SLIT3: variants seen among roughly 807,000 people sequenced by gnomAD.
The protein encoded by SLIT3 is slit homolog 3 protein.
Under a neutral mutation model 184.0 loss-of-function variants are expected in SLIT3, and 68 were observed. That is an observed-to-expected ratio of 0.37 (90% CI 0.30 to 0.45). The LOEUF is 0.45. Among genes scored for constraint, SLIT3 ranks in the 20% least tolerant of loss-of-function variants. The pLI is 1.00. For synonymous variants in SLIT3, 831 were observed against 828.6 expected, an observed-to-expected ratio of 1.00 and a Z score of -0.05; for missense variants, 1,707 against 2,026.0, an observed-to-expected ratio of 0.84 and a Z score of 3.02.
intron 8 of SLIT3, 137 bp from the exon 9 acceptor site, chr5:168,806,724 T>G (rs1276544653): frequency 2.1e-6 from 2 of 959,194 alleles, no homozygotes; most frequent in Non-Finnish European, 3.1e-6. Flanking sequence ...GACATCTCCC[T>G]TCACCTGGGA....
chr5:169,054,715 C>T (rs906390004), intron 4 of SLIT3, among the ~76,000 whole-genome samples: 3 of 152,220 alleles, frequency 2.0e-5, no homozygotes, highest in Admixed American at 6.5e-5. Flanking sequence ...CCCAGGCATG[C>T]GGAACGACGT....
chr5:169,027,126 T>C (rs1756860715), intron 4 of SLIT3, among the ~76,000 whole-genome samples: 1 of 152,180 alleles, frequency 6.6e-6, no homozygotes, highest in Admixed American at 6.5e-5. Context: ...ATAATATTGC[T>C]CAAGTTGCTC....
intron 1 of SLIT3, among the ~76,000 whole-genome samples, chr5:169,288,973 A>T (rs376330177): frequency 6.6e-6 from 1 of 152,332 alleles, no homozygotes; most frequent in Admixed American, 6.5e-5. Context: ...TAGTGGTTCA[A>T]TTCAGATATT....
intron 8 of SLIT3, among the ~76,000 whole-genome samples, chr5:168,807,976 G>A (rs548303231): frequency 3.3e-5 from 5 of 152,194 alleles, no homozygotes; most frequent in South Asian, 2.1e-4. Context: ...AATTTGGAAC[G>A]TTTACCTCCC....
In SLIT3 at chr5:169,261,201, C is replaced by T. The variant is rs933794898; in HGVS notation, c.198-9742G>A. On this transcript the variant is annotated intron_variant, in intron 1 of 35. Coordinates refer to ENST00000519560, the MANE Select transcript of SLIT3 (RefSeq NM_003062.4). ...GTATGGAGTAATTGGGGTGTAGGGT[C>T]GGGGGAGGCATCCAGGAACAGGTGA... 9.3e-5 allele frequency among the ~76,000 whole-genome samples: 14 copies of T among 150,204 alleles called. No individual in the cohort carries two copies. In the South Asian group the frequency reaches 1.1e-3, roughly 11 times the overall value.
intron 4 of SLIT3, among the ~76,000 whole-genome samples, chr5:169,091,550 G>A (rs972595509): frequency 1.7e-4 from 26 of 152,202 alleles, no homozygotes; most frequent in African/African-American, 6.3e-4. Flanking sequence ...GCATTTTTCT[G>A]AGTAGTTAAT....
In SLIT3 at chr5:169,298,181, AC is replaced by A. The variant is rs113379571; in HGVS notation, c.197+2331del. Among the ~76,000 whole-genome samples the A allele has an allele frequency of 4.6e-4, 70 of 152,014 alleles. 1 individual carries two copies. The highest frequency in any genetic ancestry group is 1.6e-3 in the African/African-American group (68 of 41,460). On this transcript the variant is annotated intron_variant, in intron 1 of 35. Coordinates refer to ENST00000519560, the MANE Select transcript of SLIT3 (RefSeq NM_003062.4). ...GACTAGAATGAGATACCATCGCGGC[AC>A]CCCCATGCACCCTGGCCAAAGTGGC...
intron 6 of SLIT3, among the ~76,000 whole-genome samples, chr5:168,827,987 C>T (rs1475427243): frequency 2.0e-5 from 3 of 152,162 alleles, no homozygotes; most frequent in East Asian, 3.8e-4. Flanking sequence ...ATTTTGTTGG[C>T]CCTTGGCTGC....
At chr5:168,740,327 T>C (rs1341095720) in intron 20 of SLIT3, among the ~76,000 whole-genome samples, 1 of 152,218 alleles carries the variant, frequency 6.6e-6, no homozygotes, top group East Asian at 1.9e-4. Flanking sequence ...GAGAGCTGAC[T>C]GGAGAAAAAA....
At chr5:168,999,328 G>A (rs1755623837) in intron 4 of SLIT3, among the ~76,000 whole-genome samples, 1 of 152,088 alleles carries the variant, frequency 6.6e-6, no homozygotes. Flanking sequence ...ATCTGCAGCA[G>A]TTCATCTTGT....
intron 4 of SLIT3, among the ~76,000 whole-genome samples, chr5:168,896,331 T>TA (rs2113817923): frequency 6.6e-6 from 1 of 152,294 alleles, no homozygotes; most frequent in South Asian, 2.1e-4. Context: ...TATTATAAAA[T>TA]AGTTAATGAA....
At chr5:169,107,273 A>T (rs1760246900) in intron 4 of SLIT3, among the ~76,000 whole-genome samples, 1 of 152,164 alleles carries the variant, frequency 6.6e-6, no homozygotes, top group African/African-American at 2.4e-5. Context: ...TGTATTCCCA[A>T]GTGTGAAGGT....
At chr5:169,044,560 T>G (rs1757559340) in intron 4 of SLIT3, among the ~76,000 whole-genome samples, 1 of 130,682 alleles carries the variant, frequency 7.7e-6, no homozygotes, top group Non-Finnish European at 1.5e-5. Flanking sequence ...AAAAGTAGAT[T>G]AGTATTTGCT....
chr5:169,191,760 C>T lies in SLIT3; in HGVS notation c.413+1719G>A, dbSNP rs985988747. Among the ~76,000 whole-genome samples, 3 of 152,098 alleles carry T rather than the reference C, an allele frequency of 2.0e-5. No individual in the cohort carries two copies. The East Asian group carries it at 5.8e-4, about 29-fold the overall frequency. ...CTGTTATCACCACTTGAAATTCCTA[C>T]TTTGCCTGGATCAAGACCAACTCTG... On this transcript the variant is annotated intron_variant, in intron 4 of 35. Transcript: ENST00000519560.
At chr5:169,059,494 A>G (rs1334543197) in intron 4 of SLIT3, among the ~76,000 whole-genome samples, 1 of 152,182 alleles carries the variant, frequency 6.6e-6, no homozygotes, top group Non-Finnish European at 1.5e-5. Flanking sequence ...AGAAAGTAGA[A>G]GGGCAGTGAT....
intron 4 of SLIT3, among the ~76,000 whole-genome samples, chr5:168,910,370 A>G (rs1035263122): frequency 1.3e-5 from 2 of 152,238 alleles, no homozygotes; most frequent in African/African-American, 2.4e-5. Context: ...ACAAATTTAC[A>G]TAATCACTTA....
chr5:169,054,473 T>C (rs1033379797), intron 4 of SLIT3, among the ~76,000 whole-genome samples: 7 of 152,164 alleles, frequency 4.6e-5, no homozygotes, highest in African/African-American at 1.7e-4. Flanking sequence ...TCTGCAGCCC[T>C]AGGAAACTAT....
chr5:169,236,971 A>C (rs1325708191), intron 3 of SLIT3, among the ~76,000 whole-genome samples: 1 of 152,192 alleles, frequency 6.6e-6, no homozygotes, highest in Non-Finnish European at 1.5e-5. Context: ...TTCAACAGCA[A>C]GAAATCTGTC....
intron 20 of SLIT3, among the ~76,000 whole-genome samples, chr5:168,739,744 C>A (rs746311785): frequency 6.6e-6 from 1 of 152,218 alleles, no homozygotes; most frequent in Non-Finnish European, 1.5e-5. Context: ...CCGCACCCGG[C>A]TCCTCCCTTT....
Sources: gnomAD v4.1 joint callset for allele counts (sites outside exome capture counted in the v4.1 genomes callset) on GRCh38, gnomAD v4.1.1 for gene constraint, MANE v1.5 for transcripts, NCBI Gene and HGNC (gene_info 2026-07-23, HGNC 2026-07-21) for gene names.